SLC2A13: variants seen among roughly 807,000 people sequenced by gnomAD.
The protein encoded by SLC2A13 is solute carrier family 2 member 13, also known as proton myo-inositol cotransporter.
A neutral mutation model predicts 64.4 loss-of-function variants in SLC2A13; 32 were observed. The observed-to-expected ratio is 0.50, with a 90% CI of 0.37 to 0.67. SLC2A13 has a LOEUF of 0.67. SLC2A13 is among the 30% of genes least tolerant of loss of function. SLC2A13 has a pLI of 0.00. For missense variants in SLC2A13, 743 were observed against 829.2 expected, an observed-to-expected ratio of 0.90 and a Z score of 1.28; for synonymous variants, 338 against 327.1, an observed-to-expected ratio of 1.03 and a Z score of -0.36.
intron 2 of SLC2A13, among the ~76,000 whole-genome samples, chr12:40,033,722 C>G (rs1045799880): frequency 6.6e-6 from 1 of 152,064 alleles, no homozygotes; most frequent in African/African-American, 2.4e-5. Context: ...CACTAGTAAG[C>G]TTTTCATACA....
At chr12:40,062,735 G>T (rs973034114) in intron 1 of SLC2A13, among the ~76,000 whole-genome samples, 11 of 152,070 alleles carry the variant, frequency 7.2e-5, no homozygotes, top group Admixed American at 6.6e-4. Flanking sequence ...AATTAAAGTT[G>T]TAGGAGAAAA....
intron 7 of SLC2A13, among the ~76,000 whole-genome samples, chr12:39,817,372 A>T (rs1942366873): frequency 6.8e-6 from 1 of 146,108 alleles, no homozygotes. Flanking sequence ...GATCAGTTCC[A>T]TTACTGTTTC....
chr12:39,990,307 G>A (rs1452603496), intron 3 of SLC2A13, among the ~76,000 whole-genome samples: 6 of 152,296 alleles, frequency 3.9e-5, no homozygotes, highest in Admixed American at 2.0e-4. Flanking sequence ...AGAGGGCCAA[G>A]CACACAGAGT....
chr12:40,031,516 C>T (rs758868742), intron 2 of SLC2A13, among the ~76,000 whole-genome samples: 4 of 152,128 alleles, frequency 2.6e-5, no homozygotes, highest in Non-Finnish European at 5.9e-5. Flanking sequence ...CCACTGCTTT[C>T]GGCCAAGTTA....
chr12:39,952,160 C>T (rs937876143), intron 3 of SLC2A13, among the ~76,000 whole-genome samples: 1 of 152,160 alleles, frequency 6.6e-6, no homozygotes, highest in Admixed American at 6.6e-5. Context: ...GTTGACTAAC[C>T]TTATTGATGC....
intron 4 of SLC2A13, among the ~76,000 whole-genome samples, chr12:39,905,989 AT>A (rs142985641): frequency 0.015 from 2,352 of 152,282 alleles, 72 homozygotes; most frequent in African/African-American, 0.053. Flanking sequence ...CCCTATTGAA[AT>A]ATAACAGCTG....
intron 6 of SLC2A13, among the ~76,000 whole-genome samples, chr12:39,863,691 T>A (rs7299208): frequency 0.64 from 96,905 of 151,972 alleles, 31,080 homozygotes; most frequent in East Asian, 0.77. Flanking sequence ...AAAAAGACTA[T>A]GAAAGTCAGT....
chr12:40,074,739 A>T (rs150703262), intron 1 of SLC2A13, among the ~76,000 whole-genome samples: 50 of 151,914 alleles, frequency 3.3e-4, no homozygotes, highest in African/African-American at 1.1e-3. Context: ...TTTTTTCTTG[A>T]TAGCCAGACA....
At chr12:39,968,694 T>G (rs1441148820) in intron 3 of SLC2A13, among the ~76,000 whole-genome samples, 2 of 147,352 alleles carry the variant, frequency 1.4e-5, no homozygotes, top group East Asian at 3.9e-4. Flanking sequence ...TATACACACT[T>G]TCCCATTACT....
chr12:40,103,115 G>C (rs2136310784), intron 1 of SLC2A13, among the ~76,000 whole-genome samples: 1 of 152,310 alleles, frequency 6.6e-6, no homozygotes, highest in African/African-American at 2.4e-5. Flanking sequence ...AACCAGCCCA[G>C]AGACCACAGA....
At chr12:39,867,457 AAAAAACAAAAAC>A (rs1188906900) in intron 5 of SLC2A13, among the ~76,000 whole-genome samples, 1 of 152,132 alleles carries the variant, frequency 6.6e-6, no homozygotes, top group Non-Finnish European at 1.5e-5. Context: ...CTATTTTTGA[AAAAAACAAAAAC>A]AAAAACAAAA....
intron 4 of SLC2A13, among the ~76,000 whole-genome samples, chr12:39,901,288 C>T (rs1945099179): frequency 6.6e-6 from 1 of 152,130 alleles, no homozygotes; most frequent in African/African-American, 2.4e-5. Context: ...TGGGCAAGGA[C>T]CTCATGTCTA....
At chr12:39,782,898 T>C (rs1592132961) in intron 7 of SLC2A13, among the ~76,000 whole-genome samples, 1 of 152,146 alleles carries the variant, frequency 6.6e-6, no homozygotes. Context: ...TACTTTAAGT[T>C]CTAGGGTACA....
chr12:40,093,680 T>C (rs1374025532), intron 1 of SLC2A13, among the ~76,000 whole-genome samples: 1 of 150,410 alleles, frequency 6.6e-6, no homozygotes, highest in Non-Finnish European at 1.5e-5. Context: ...GCTCCAGGAA[T>C]CTGGACAGAG....
intron 4 of SLC2A13, among the ~76,000 whole-genome samples, chr12:39,926,124 T>C (rs892524933): frequency 6.6e-6 from 1 of 152,126 alleles, no homozygotes; most frequent in Non-Finnish European, 1.5e-5. Context: ...CCTTAAATCA[T>C]GTTTAGAACA....
At chr12:40,014,592 A>G (rs1485866405) in intron 3 of SLC2A13, among the ~76,000 whole-genome samples, 2 of 152,100 alleles carry the variant, frequency 1.3e-5, no homozygotes, top group East Asian at 1.9e-4. Context: ...CCCAGGTTCA[A>G]GCAATTCTCC....
At chr12:40,048,312 G>T in intron 1 of SLC2A13, 102 bp from the exon 2 acceptor site, 3 of 1,159,002 alleles carry the variant, frequency 2.6e-6, no homozygotes, top group South Asian at 2.2e-5. Context: ...ATATGGGCTT[G>T]GTTTTCTACT....
intron 7 of SLC2A13, among the ~76,000 whole-genome samples, chr12:39,816,861 TTAAG>T (rs1394042938): frequency 6.6e-6 from 1 of 152,180 alleles, no homozygotes; most frequent in Non-Finnish European, 1.5e-5. Context: ...TTGAAAGATT[TTAAG>T]AATTTGAAAG....
At chr12:39,865,313 A>G (rs192830020) in intron 5 of SLC2A13, among the ~76,000 whole-genome samples, 91 of 152,372 alleles carry the variant, frequency 6.0e-4, no homozygotes, top group African/African-American at 2.0e-3. Context: ...AATGACATTC[A>G]ATCATGTAAG....
Sources: allele counts gnomAD v4.1 joint callset (sites outside exome capture counted in the v4.1 genomes callset), GRCh38; gene constraint gnomAD v4.1.1; transcripts MANE v1.5; gene names NCBI Gene and HGNC (gene_info 2026-07-23, HGNC 2026-07-21).